Variants in NOTCH1 observed in about 807,000 individuals in gnomAD.
NOTCH1 encodes the protein neurogenic locus notch homolog protein 1.
Under a neutral mutation model 254.8 loss-of-function variants are expected in NOTCH1, and 37 were observed. The ratio of observed to expected loss-of-function variants is 0.15; its 90% CI spans 0.11 to 0.19. The LOEUF (loss-of-function observed/expected upper bound fraction) is 0.19, where lower values mean the gene tolerates loss of function less well. Among genes scored for constraint, NOTCH1 ranks in the 10% least tolerant of loss-of-function variants. The pLI is 1.00. For synonymous variants in NOTCH1, 1,731 were observed against 1,618.1 expected (o/e 1.07, Z -1.68); for missense variants, 2,972 against 3,708.6 (o/e 0.80, Z 5.16).
intron 2 of NOTCH1, among the ~76,000 whole-genome samples, chr9:136,537,399 G>A (rs1188229602): frequency 1.3e-5 from 2 of 152,180 alleles, no homozygotes; most frequent in African/African-American, 2.4e-5. Flanking sequence ...CATAGGCAAC[G>A]TCCAGAAGAG....
rs1489431297 is a variant in NOTCH1, at chr9:136,500,865, G to A, written c.5639-18C>T. 1.3e-6 allele frequency: 2 copies of A among 1,574,638 alleles called. No homozygotes were observed. The highest frequency in any genetic ancestry group is 1.1e-5 in the South Asian group (1 of 89,046). On this transcript the variant is annotated intron_variant, in intron 30 of 33. Coordinates refer to ENST00000651671, the MANE Select transcript of NOTCH1 (RefSeq NM_017617.5). ...GAAGCCATCTGCAGAGGCAGAGACG[G>A]GTGCTCAGTCTGGAGGGCCGGTCCC...
intron 16 of NOTCH1, among the ~76,000 whole-genome samples, 166 bp downstream of exon 16, chr9:136,510,986 G>A (rs537811175): frequency 1.3e-5 from 2 of 152,326 alleles, no homozygotes; most frequent in South Asian, 4.1e-4. Flanking sequence ...AGTTGGGAAC[G>A]GTGCTCCCAG....
chr9:136,517,787 T>C lies in NOTCH1; in HGVS notation c.1406A>G (p.Asp469Gly). Residue 469 changes from aspartate (D) to glycine (G), a missense_variant, in exon 8 of 34, where the codon GAC becomes GGC. Coordinates refer to ENST00000651671, the MANE Select transcript of NOTCH1 (RefSeq NM_017617.5). ...GATGCACTGGAACTCCCCAATCTGGTCCAGGCAGGTGGCGTCGTTCTGGCA... is the reference window on the plus strand; with the variant it reads ...GATGCACTGGAACTCCCCAATCTGGCCCAGGCAGGTGGCGTCGTTCTGGCA... ...NPCQNDATCL[D>G]QIGEFQCICM... 6.2e-7 allele frequency: 1 copy of C among 1,612,698 alleles called. No homozygotes were observed. Among genetic ancestry groups the C allele is most frequent in the Non-Finnish European group, 8.5e-7 (1 of 1,179,930 alleles).
At chr9:136,518,442 G>A (rs1350355952) in intron 6 of NOTCH1, 149 bp downstream of exon 6, 2 of 1,132,092 alleles carry the variant, frequency 1.8e-6, no homozygotes, top group Non-Finnish European at 2.6e-6. Flanking sequence ...CGTTCCGGGG[G>A]ACTCACAGCG....
chr9:136,508,305 C>T lies in NOTCH1; in HGVS notation c.3252G>A (p.Glu1084=), dbSNP rs2133347392. ...CWQTHTQYRC[E]CPSGWTGLYC... Reference sequence around the variant, plus strand: ...AAAGGCCGGTCCAGCCGCTGGGGCACTCGCAGCGGTACTGGGTGTGGGTCT... The same window carrying T: ...AAAGGCCGGTCCAGCCGCTGGGGCATTCGCAGCGGTACTGGGTGTGGGTCT... The change falls in exon 20 of 34, where the codon GAG becomes GAA. Residue 1084 remains glutamate, a synonymous_variant. Coordinates refer to ENST00000651671, the MANE Select transcript of NOTCH1 (RefSeq NM_017617.5). The T allele has an allele frequency of 6.2e-7, 1 of 1,612,988 alleles. No homozygotes were observed. The highest frequency in any genetic ancestry group is 8.5e-7 in the Non-Finnish European group (1 of 1,180,008).
rs934570448 is a variant in NOTCH1, at chr9:136,504,924, G to A, written c.4767C>T (p.Ser1589=). The A allele has an allele frequency of 2.5e-6, 4 of 1,588,418 alleles. No individual in the cohort carries two copies. Among genetic ancestry groups the A allele is most frequent in the East Asian group, 2.3e-5 (1 of 43,732 alleles). ...GGCTGAGCTCCCGCAGGAAGTGGAAGGAGCTGTTGCGCAGCTGCTCCGGCG... is the reference window on the plus strand; with the variant it reads ...GGCTGAGCTCCCGCAGGAAGTGGAAAGAGCTGTTGCGCAGCTGCTCCGGCG... ...LMPPEQLRNS[S]FHFLRELSRV... The change falls in exon 26 of 34, where the codon TCC becomes TCT. Residue 1589 remains serine, a synonymous_variant. Transcript: ENST00000651671.
intron 2 of NOTCH1, among the ~76,000 whole-genome samples, chr9:136,525,742 G>C (rs1367263496): frequency 2.0e-5 from 3 of 152,184 alleles, no homozygotes; most frequent in South Asian, 4.1e-4. Flanking sequence ...GCAGTGGCCT[G>C]GGGGGGCCTT....
intron 30 of NOTCH1, among the ~76,000 whole-genome samples, 164 bp from the exon 31 acceptor site, chr9:136,501,011 C>G (rs1842986766): frequency 6.6e-6 from 1 of 152,208 alleles, no homozygotes; most frequent in East Asian, 1.9e-4. Context: ...TGAAGTCCGC[C>G]TGGGCTGCTC....
In NOTCH1 at chr9:136,523,873, C is replaced by T. The variant is rs377532588; in HGVS notation, c.247G>A (p.Ala83Thr). 2 of 1,610,568 alleles carry T rather than the reference C, an allele frequency of 1.2e-6. No homozygotes were observed. Among genetic ancestry groups the T allele is most frequent in the African/African-American group, 2.7e-5 (2 of 74,902 alleles). The change falls in exon 3 of 34, where the codon GCA becomes ACA. Residue 83 changes from alanine (A) to threonine (T), a missense_variant. Coordinates refer to ENST00000651671, the MANE Select transcript of NOTCH1 (RefSeq NM_017617.5). ...TCHVVDRRGV[A>T]DYACSCALGF... ...AGGGCACAGCTGCAGGCATAGTCTG[C>T]CACGCCTCTGCGGTCCACCACGTGG...
At chr9:136,527,863 C>CGGGCCCCGA (rs1843491028) in intron 2 of NOTCH1, among the ~76,000 whole-genome samples, 1 of 152,112 alleles carries the variant, frequency 6.6e-6, no homozygotes, top group Admixed American at 6.5e-5. Flanking sequence ...CAAGTGGCCC[C>CGGGCCCCGA]GGCGCCTGCT....
rs147642262 is a variant in NOTCH1, at chr9:136,532,789, G to C, written c.141-8810C>G. ...CGGCCCGGGGTCGCACGGCCCACGT[G>C]GGGGAAAGAAGTCCGTGGCCTGTGT... On this transcript the variant is annotated intron_variant, in intron 2 of 33. Coordinates refer to ENST00000651671, the MANE Select transcript of NOTCH1 (RefSeq NM_017617.5). 1.1e-4 allele frequency among the ~76,000 whole-genome samples: 17 copies of C among 152,302 alleles called. No individual in the cohort carries two copies. In the East Asian group the frequency reaches 1.9e-3, roughly 17 times the overall value.
At position 136,501,791 on chromosome 9, in the gene NOTCH1, A is replaced by T. The variant is rs767493892; in HGVS notation, c.5595T>A (p.Gly1865=). ...CGTCCATGCAGTCGGCGTCAACCTCACCCTGGGGCGGTGTGGGGGCCATGG... is the reference window on the plus strand; with the variant it reads ...CGTCCATGCAGTCGGCGTCAACCTCTCCCTGGGGCGGTGTGGGGGCCATGG... ...MSAMAPTPPQ[G]EVDADCMDVN... Residue 1865 remains glycine (G), a synonymous_variant, in exon 30 of 34, where the codon GGT becomes GGA. Coordinates refer to ENST00000651671, the MANE Select transcript of NOTCH1 (RefSeq NM_017617.5). 33 of 1,612,498 alleles carry T rather than the reference A, an allele frequency of 2.0e-5. 1 individual carries two copies. In the South Asian group the frequency reaches 3.2e-4, roughly 16 times the overall value.
chr9:136,512,242 CG>C (rs906742720), intron 15 of NOTCH1, among the ~76,000 whole-genome samples: 7 of 152,180 alleles, frequency 4.6e-5, no homozygotes, highest in Non-Finnish European at 1.0e-4. Flanking sequence ...TCCTTAACTT[CG>C]GTCAAAGAAA....
rs370031163 is a variant in NOTCH1 at position 136,522,778 on chromosome 9, C to T, written c.742+72G>A. 96 of 1,371,840 alleles carry T rather than the reference C, an allele frequency of 7.0e-5. 1 individual carries two copies. In the East Asian group the frequency reaches 9.4e-4, roughly 13 times the overall value. 85.0% of individuals were successfully genotyped at this position (1,371,840 alleles called of 1,614,324 possible). A position where few individuals can be genotyped will look rare whatever the true frequency, so the allele number is the denominator to read the frequency against. ...CTCCCAGGGCTGCCCCTACACCAGG[C>T]GCCCCGTTCCCACCCCCTGGGCCTG... On this transcript the variant is annotated intron_variant, in intron 4 of 33. Coordinates refer to ENST00000651671, the MANE Select transcript of NOTCH1 (RefSeq NM_017617.5).
At chr9:136,519,920 C>G (rs1046676906) in intron 4 of NOTCH1, among the ~76,000 whole-genome samples, 1 of 152,212 alleles carries the variant, frequency 6.6e-6, no homozygotes, top group Non-Finnish European at 1.5e-5. Context: ...CCGCACACCC[C>G]ATCTTCAGGG....
chr9:136,543,106 T>C (rs1238416555), intron 2 of NOTCH1: 1 of 156,136 alleles, frequency 6.4e-6, no homozygotes, highest in Non-Finnish European at 1.4e-5. Context: ...CGCCAAAACA[T>C]GAGTTCCACC....
Position 136,496,167 on chromosome 9 carries a change from G to C in NOTCH1, c.7572C>G (p.Ser2524=). The C allele has an allele frequency of 6.2e-7, 1 of 1,610,328 alleles. No individual in the cohort carries two copies. ...ACCAGTCGGAGACGTTGGAATGCGG[G>C]GACGAGCTGGACCACTGGTCAGGGG... is the stretch of plus-strand genomic sequence containing the variant. The part of the protein sequence containing the change: ...PESPDQWSSS[S]PHSNVSDWSE... The change falls in exon 34 of 34, where the codon TCC becomes TCG. Residue 2524 remains serine (S), a synonymous_variant. Transcript: ENST00000651671.
rs561126575 is a variant in NOTCH1, at chr9:136,514,609, C to A, written c.2108G>T (p.Arg703Leu). Reference protein sequence around the residue: ...CEDGINGFTCRCPEGYHDPTC... With the variant: ...CEDGINGFTCLCPEGYHDPTC... ...GGGGTCGTGGTAGCCCTCGGGGCAG[C>A]GGCAGGTGAAGCCATTGATGCCGTC... The change falls in exon 13 of 34, where the codon CGC becomes CTC. Residue 703 changes from arginine to leucine, a missense_variant. Arg to Leu is a moderately radical substitution (Grantham distance 102). Coordinates refer to ENST00000651671, the MANE Select transcript of NOTCH1 (RefSeq NM_017617.5). 3.7e-6 allele frequency: 6 copies of A among 1,609,276 alleles called. No homozygotes were observed. The highest frequency in any genetic ancestry group is 5.1e-6 in the Non-Finnish European group (6 of 1,178,808).
At chr9:136,530,191 G>A (rs996526502) in intron 2 of NOTCH1, among the ~76,000 whole-genome samples, 82 of 152,226 alleles carry the variant, frequency 5.4e-4, no homozygotes, top group African/African-American at 1.9e-3. Context: ...GGTCTGAGCC[G>A]GGGCCAGGCT....
Sources: gnomAD v4.1 joint callset for allele counts (sites outside exome capture counted in the v4.1 genomes callset) on GRCh38, gnomAD v4.1.1 for gene constraint, MANE v1.5 for transcripts, NCBI Gene and HGNC (gene_info 2026-07-23, HGNC 2026-07-21) for gene names.